The following FANCA variants were observed in gnomAD, a reference collection of about 807,000 sequenced individuals.
FANCA encodes FA complementation group A.
In FANCA, 236 loss-of-function variants were observed where a neutral mutation model predicts 194.3. The observed-to-expected ratio is 1.21, with a 90% CI of 1.09 to 1.35. The LOEUF is 1.35. Among genes scored for constraint, FANCA ranks in the 40% most tolerant of loss-of-function variants. FANCA has a pLI of 0.00. For missense variants in FANCA, 2,628 were observed against 1,813.9 expected, an observed-to-expected ratio of 1.45 and a Z score of -8.15; for synonymous variants, 1,014 against 715.8, an observed-to-expected ratio of 1.42 and a Z score of -6.65.
At chr16:89,758,520 A>G in intron 30 of FANCA, 57 bp downstream of exon 30, 1 of 1,598,068 alleles carries the variant, frequency 6.3e-7, no homozygotes, top group Non-Finnish European at 8.6e-7. Flanking sequence ...TCCCCTTTAT[A>G]TATATCCTAT....
In FANCA at chr16:89,810,789, G is replaced by A. The variant is rs138744489; in HGVS notation, c.440C>T (p.Ser147Phe). The A allele has an allele frequency of 3.7e-6, 6 of 1,613,030 alleles. No homozygotes were observed. Among genetic ancestry groups the A allele is most frequent in the Admixed American group, 1.7e-5 (1 of 60,006 alleles). Reference protein sequence around the residue: ...LTVEQRKKLSSLLEFAQYLLA... With the variant: ...LTVEQRKKLSFLLEFAQYLLA... ...TAAATACTGAGCAAACTCTAACAGG[G>A]AAGACAGCTTCTTCTGAAAAGAGAG... Residue 147 changes from serine (S) to phenylalanine (F), a missense_variant, in exon 5 of 43, where the codon TCC becomes TTC. Ser to Phe is a radical substitution (Grantham distance 155). Coordinates refer to ENST00000389301, the MANE Select transcript of FANCA (RefSeq NM_000135.4).
chr16:89,772,600 T>A (rs1287483882), intron 22 of FANCA, among the ~76,000 whole-genome samples: 1 of 152,110 alleles, frequency 6.6e-6, no homozygotes, highest in Non-Finnish European at 1.5e-5. Context: ...GTGGATCACC[T>A]GAGGTCAGGA....
intron 14 of FANCA, chr16:89,791,163 G>A: frequency 1.7e-6 from 1 of 577,116 alleles, no homozygotes; most frequent in Non-Finnish European, 3.1e-6. Flanking sequence ...AGGAGCTGAG[G>A]CCCCGACAGG....
chr16:89,775,578 G>C (rs1210806870), intron 21 of FANCA, among the ~76,000 whole-genome samples, 164 bp downstream of exon 21: 4 of 152,232 alleles, frequency 2.6e-5, no homozygotes, highest in Admixed American at 2.0e-4. Flanking sequence ...GCCACAGCTG[G>C]CACTGGGCGT....
At chr16:89,768,583 G>C (rs1174889159) in intron 26 of FANCA, among the ~76,000 whole-genome samples, 1 of 152,028 alleles carries the variant, frequency 6.6e-6, no homozygotes, top group African/African-American at 2.4e-5. Flanking sequence ...TTGAACCCGG[G>C]AGGCGGAGGT....
intron 14 of FANCA, among the ~76,000 whole-genome samples, chr16:89,789,562 G>T (rs1026156015): frequency 6.7e-6 from 1 of 150,044 alleles, no homozygotes; most frequent in Non-Finnish European, 1.5e-5. Context: ...TGCCTCAGCC[G>T]GTAAGTAGCC....
rs555465664 is a variant in FANCA at position 89,739,942 on chromosome 16, C to T, written c.3934+52G>A. 256 of 1,608,660 alleles carry T rather than the reference C, an allele frequency of 1.6e-4. 9 individuals are homozygous for T. The South Asian group carries it at 2.7e-3, about 17-fold the overall frequency. On this transcript the variant is annotated intron_variant, in intron 39 of 42. Transcript: ENST00000389301. ...CTCGTTCTTAACCATTTGCAAGATG[C>T]CTCTGAAAAGAGCGGCCCTCCGCAT...
chr16:89,810,567 A>G (rs760576895), intron 5 of FANCA, 140 bp downstream of exon 5: 1 of 718,794 alleles, frequency 1.4e-6, no homozygotes. Flanking sequence ...TGATTTCTAA[A>G]CCCTTTTTCA....
chr16:89,783,126 G>A (rs780506331), intron 15 of FANCA, 24 bp from the exon 16 acceptor site: 6 of 1,574,516 alleles, frequency 3.8e-6, no homozygotes, highest in Middle Eastern at 3.4e-4. Flanking sequence ...GCAGAGCGCA[G>A]CACCGTTAGT....
chr16:89,806,804 C>T (rs185536017), intron 6 of FANCA, among the ~76,000 whole-genome samples: 3 of 152,322 alleles, frequency 2.0e-5, no homozygotes, highest in East Asian at 1.9e-4. Context: ...CCACCCTTCC[C>T]CCCTTTGTAT....
intron 10 of FANCA, chr16:89,798,250 T>G: frequency 1.2e-6 from 1 of 804,142 alleles, no homozygotes; most frequent in Non-Finnish European, 1.5e-6. Flanking sequence ...CACCCTGACC[T>G]CCAACTTCCA....
At chr16:89,791,625 G>A (rs1322349338) in intron 13 of FANCA, 89 bp from the exon 14 acceptor site, 2 of 1,555,328 alleles carry the variant, frequency 1.3e-6, no homozygotes, top group Admixed American at 1.8e-5. Context: ...AAGTATTCCA[G>A]AAGGAGACTG....
At chr16:89,790,030 T>G (rs886375609) in intron 14 of FANCA, among the ~76,000 whole-genome samples, 1 of 152,116 alleles carries the variant, frequency 6.6e-6, no homozygotes, top group Non-Finnish European at 1.5e-5. Flanking sequence ...GAGCACACTG[T>G]GTGTGTTCCA....
In FANCA at chr16:89,760,502, G is replaced by A. The variant is rs1356849054; in HGVS notation, c.2852+1447C>T. On this transcript the variant is annotated intron_variant, in intron 29 of 42. Transcript: ENST00000389301. ...CCTCTCCTGAGTCTAGGTGTGGCAG[G>A]CACCCTGAGGCCCATATACCCACCA... 2.0e-5 allele frequency among the ~76,000 whole-genome samples: 3 copies of A among 152,090 alleles called. No homozygotes were observed. The East Asian group carries it at 5.8e-4, about 29-fold the overall frequency.
chr16:89,816,420 G>A (rs1331953745), intron 1 of FANCA, 117 bp downstream of exon 1: 4 of 933,538 alleles, frequency 4.3e-6, no homozygotes, highest in African/African-American at 3.5e-5. Context: ...ACAGCCCCCC[G>A]GGCGCGGCGT....
chr16:89,747,134 G>A (rs891609838), intron 33 of FANCA, among the ~76,000 whole-genome samples: 10 of 152,172 alleles, frequency 6.6e-5, no homozygotes, highest in African/African-American at 2.4e-4. Flanking sequence ...AGTCTTGTAG[G>A]CTCCAGGAAG....
intron 21 of FANCA, among the ~76,000 whole-genome samples, 191 bp downstream of exon 21, chr16:89,775,551 C>T (rs2039471110): frequency 6.6e-6 from 1 of 152,214 alleles, no homozygotes; most frequent in South Asian, 2.1e-4. Flanking sequence ...CTTCAGGACC[C>T]CCAGGTAAGA....
rs1316879911 is a variant in FANCA, at chr16:89,796,726, G to T, written c.894-708C>A. ...CACTTTATGCCGATTCCCCAGGTAA[G>T]AAAATCAAGGGTCCAGCCGGGCACG... On this transcript the variant is annotated intron_variant, in intron 10 of 42. Coordinates refer to ENST00000389301, the MANE Select transcript of FANCA (RefSeq NM_000135.4). 2.0e-5 allele frequency among the ~76,000 whole-genome samples: 3 copies of T among 152,172 alleles called. No homozygotes were observed. The East Asian group carries it at 5.8e-4, about 29-fold the overall frequency.
At chr16:89,769,650 A>C (rs1336347949) in intron 26 of FANCA, 187 bp downstream of exon 26, 1 of 674,820 alleles carries the variant, frequency 1.5e-6, no homozygotes, top group African/African-American at 1.8e-5. Flanking sequence ...ATGAACAAAG[A>C]AACAAACGCA....
Sources: allele counts gnomAD v4.1 joint callset (sites outside exome capture counted in the v4.1 genomes callset), GRCh38; gene constraint gnomAD v4.1.1; transcripts MANE v1.5; gene names NCBI Gene and HGNC (gene_info 2026-07-23, HGNC 2026-07-21).